Variants in ADCY2 observed in about 807,000 individuals in gnomAD.
ADCY2 encodes the protein adenylate cyclase 2, also known as adenylate cyclase type 2.
Under a neutral mutation model 125.2 loss-of-function variants are expected in ADCY2, and 31 were observed. The observed-to-expected ratio is 0.25, with a 90% CI of 0.19 to 0.33. ADCY2 has a LOEUF of 0.33. Ranked by LOEUF, ADCY2 falls within the 10% of genes least tolerant of loss-of-function variation. The probability of loss-of-function intolerance (pLI) is 1.00; values close to 1 mark genes in which losing one functional copy is unlikely to be tolerated. For missense variants in ADCY2, 904 were observed against 1,418.2 expected, an observed-to-expected ratio of 0.64 and a Z score of 5.82; for synonymous variants, 512 against 548.4, an observed-to-expected ratio of 0.93 and a Z score of 0.93.
rs1741360534 is a variant in ADCY2 at position 7,709,151 on chromosome 5, A to G, written c.1402-60A>G. 6.8e-7 allele frequency: 1 copy of G among 1,468,164 alleles called. No individual in the cohort carries two copies. The highest frequency in any genetic ancestry group is 9.1e-7 in the Non-Finnish European group (1 of 1,104,210). 90.9% of individuals were successfully genotyped at this position (1,468,164 alleles called of 1,614,324 possible). ...ACCCTAGTCCAATGAGGTCGATGCCAAAAGGATCATGTGTGGCCCTGTGCT... is the reference window on the plus strand; with the variant it reads ...ACCCTAGTCCAATGAGGTCGATGCCGAAAGGATCATGTGTGGCCCTGTGCT... On this transcript the variant is annotated intron_variant, in intron 9 of 24. Transcript: ENST00000338316. This position sits in a 1 kb window ranked among gnomAD's most constrained non-coding sequence, Gnocchi z 4.4.
intron 2 of ADCY2, among the ~76,000 whole-genome samples, chr5:7,499,233 C>G (rs1006132459): frequency 2.0e-5 from 3 of 152,118 alleles, no homozygotes; most frequent in African/African-American, 7.2e-5. Flanking sequence ...GTCTCGATCT[C>G]TTGACCTCAT....
At chr5:7,795,324 C>A (rs1231352357) in intron 20 of ADCY2, 1 of 152,260 alleles carries the variant, frequency 6.6e-6, no homozygotes, top group South Asian at 2.1e-4. Flanking sequence ...ATCACTGCCC[C>A]TGGGAATTGA....
chr5:7,645,936 G>T (rs556187840), intron 4 of ADCY2, among the ~76,000 whole-genome samples: 1 of 152,268 alleles, frequency 6.6e-6, no homozygotes, highest in South Asian at 2.1e-4. Context: ...AAATACTTAA[G>T]TATGTTGCAC....
intron 2 of ADCY2, among the ~76,000 whole-genome samples, chr5:7,427,151 A>ACTTCCAAGTGACTTG (rs779008784): frequency 2.0e-5 from 3 of 152,100 alleles, no homozygotes; most frequent in Admixed American, 6.5e-5. Flanking sequence ...GCTGACAGTC[A>ACTTCCAAGTGACTTG]CTGGAGTCCC....
intron 3 of ADCY2, among the ~76,000 whole-genome samples, chr5:7,620,070 A>G (rs1737905021): frequency 6.6e-6 from 1 of 152,184 alleles, no homozygotes; most frequent in Admixed American, 6.5e-5. Flanking sequence ...TTCTGAGAAG[A>G]GCAAAGAGCA....
At chr5:7,649,937 T>G (rs956398676) in intron 4 of ADCY2, among the ~76,000 whole-genome samples, 1 of 151,980 alleles carries the variant, frequency 6.6e-6, no homozygotes, top group Non-Finnish European at 1.5e-5. Context: ...ACTCCTCGTA[T>G]CCAAGCCATC....
intron 20 of ADCY2, chr5:7,794,417 T>G (rs1744358764): frequency 6.6e-6 from 1 of 151,750 alleles, no homozygotes; most frequent in African/African-American, 2.4e-5. Context: ...CCAGGGGAGG[T>G]TTGCTAGCCA....
intron 3 of ADCY2, among the ~76,000 whole-genome samples, chr5:7,584,321 C>G (rs1452384981): frequency 6.6e-6 from 1 of 152,026 alleles, no homozygotes; most frequent in Non-Finnish European, 1.5e-5. Context: ...AAAGATATTT[C>G]TTTATATTTC....
intron 2 of ADCY2, among the ~76,000 whole-genome samples, chr5:7,425,599 A>G (rs1266501793): frequency 6.6e-6 from 1 of 152,248 alleles, no homozygotes; most frequent in East Asian, 1.9e-4. Context: ...AAAAGTTGCT[A>G]AGCAACACTT....
At chr5:7,708,040 C>T in intron 9 of ADCY2, 1 of 554,028 alleles carries the variant, frequency 1.8e-6, no homozygotes, top group African/African-American at 1.9e-5. Flanking sequence ...AGTTGAAATG[C>T]ACTGCTTTTC....
intron 12 of ADCY2, among the ~76,000 whole-genome samples, chr5:7,720,722 G>A (rs1281373880): frequency 6.6e-6 from 1 of 152,168 alleles, no homozygotes; most frequent in Non-Finnish European, 1.5e-5. Flanking sequence ...CAAAGGACAT[G>A]AACTCATCCT....
intron 2 of ADCY2, among the ~76,000 whole-genome samples, chr5:7,477,813 G>A (rs938866405): frequency 1.3e-5 from 2 of 152,082 alleles, no homozygotes; most frequent in African/African-American, 4.8e-5. Flanking sequence ...TGTCATCGTC[G>A]CCGTATCACT....
chr5:7,609,746 G>T (rs1389614689), intron 3 of ADCY2, among the ~76,000 whole-genome samples: 1 of 152,204 alleles, frequency 6.6e-6, no homozygotes, highest in Non-Finnish European at 1.5e-5. Flanking sequence ...CTCTACTGAT[G>T]TTGGAGAAGT....
At chr5:7,644,709 C>T (rs1738837093) in intron 4 of ADCY2, among the ~76,000 whole-genome samples, 1 of 152,110 alleles carries the variant, frequency 6.6e-6, no homozygotes, top group Admixed American at 6.6e-5. Context: ...AACTCTAAAC[C>T]TCCCTTTTTG....
intron 2 of ADCY2, among the ~76,000 whole-genome samples, chr5:7,455,036 A>C (rs1741618531): frequency 6.6e-6 from 1 of 152,246 alleles, no homozygotes; most frequent in East Asian, 1.9e-4. Context: ...GCTATAGAGT[A>C]GACATCTAAC....
chr5:7,817,689 G>A (rs1378735118), intron 23 of ADCY2, among the ~76,000 whole-genome samples: 1 of 151,964 alleles, frequency 6.6e-6, no homozygotes, highest in Non-Finnish European at 1.5e-5. Flanking sequence ...TGAGCTTGGC[G>A]GCGCACGCCT....
chr5:7,563,527 T>C (rs1339630174), intron 3 of ADCY2, among the ~76,000 whole-genome samples: 3 of 152,176 alleles, frequency 2.0e-5, no homozygotes, highest in African/African-American at 7.2e-5. Flanking sequence ...TGTATTGCAG[T>C]CTTCCTGATA....
At chr5:7,580,537 C>G (rs781371099) in intron 3 of ADCY2, among the ~76,000 whole-genome samples, 28 of 152,074 alleles carry the variant, frequency 1.8e-4, no homozygotes, top group Non-Finnish European at 3.4e-4. Context: ...ATTATCTAAT[C>G]TGAAGAACAG....
At chr5:7,660,239 AGAAGGAAGGAAG>A (rs59646942) in intron 4 of ADCY2, among the ~76,000 whole-genome samples, 23,035 of 101,154 alleles carry the variant, frequency 0.23, 3,083 homozygotes, top group Non-Finnish European at 0.31. Context: ...AGGGAGGGAG[AGAAGGAAGGAAG>A]GAAGGAAGGA....
Sources: gnomAD v4.1 joint callset for allele counts (sites outside exome capture counted in the v4.1 genomes callset) on GRCh38, gnomAD v4.1.1 for gene constraint, Gnocchi (gnomAD v3.1) non-coding constraint, MANE v1.5 for transcripts, NCBI Gene and HGNC (gene_info 2026-07-23, HGNC 2026-07-21) for gene names.